The following TAOK3 variants were observed in gnomAD, a reference collection of about 807,000 sequenced individuals.
TAOK3 encodes serine/threonine-protein kinase TAO3.
Under a neutral mutation model 120.4 loss-of-function variants are expected in TAOK3, and 40 were observed. That is an observed-to-expected ratio of 0.33 (90% CI 0.26 to 0.43). The LOEUF is 0.43. Ranked by LOEUF, TAOK3 falls within the 20% of genes least tolerant of loss-of-function variation. The probability of loss-of-function intolerance (pLI) is 1.00; values close to 1 mark genes in which losing one functional copy is unlikely to be tolerated. For missense variants in TAOK3, 821 were observed against 1,112.1 expected (o/e 0.74, Z 3.72); for synonymous variants, 355 against 387.5 (o/e 0.92, Z 0.99).
At chr12:118,357,601 T>A (rs983437550) in intron 1 of TAOK3, among the ~76,000 whole-genome samples, 1 of 152,216 alleles carries the variant, frequency 6.6e-6, no homozygotes. Context: ...ATGGAGTTTG[T>A]AACTTCTACT....
chr12:118,283,846 A>G (rs1489800013), intron 1 of TAOK3: 1 of 160,434 alleles, frequency 6.2e-6, no homozygotes, highest in African/African-American at 2.4e-5. Context: ...ATGTTACTTA[A>G]ATGTCTGTTC....
chr12:118,152,357 A>C lies in TAOK3; in HGVS notation c.2405T>G (p.Leu802Arg). ...EAECQALRLQ[L>R]QQEMELLNAY... ...GTTGAGCAGCTCCATTTCCTGCTGG[A>C]GCTGTAGCCTCAAGGCCTGGCATTC... Residue 802 changes from leucine to arginine, a missense_variant, in exon 20 of 21, where the codon CTC becomes CGC. Around this residue, in one of 2 missense-constraint regions of TAOK3, gnomAD observed 354 missense variants for 572.1 expected, o/e 0.62. Transcript: ENST00000392533. The C allele has an allele frequency of 6.2e-7, 1 of 1,613,916 alleles. No homozygotes were observed. Among genetic ancestry groups the C allele is most frequent in the Non-Finnish European group, 8.5e-7 (1 of 1,180,014 alleles).
In TAOK3 at chr12:118,160,254, A is replaced by G. The variant is rs745327810; in HGVS notation, c.2244T>C (p.Asn748=). The change falls in exon 19 of 21, where the codon AAT becomes AAC. Residue 748 remains asparagine, a synonymous_variant. Coordinates refer to ENST00000392533, the MANE Select transcript of TAOK3 (RefSeq NM_016281.4). The surrounding 1 kb of genome is among the most constrained non-coding windows in gnomAD (Gnocchi z 4.2). ...KNHQLEVTPK[N]EHKTILKTLK... is the part of the protein sequence containing the mutation. ...GTGTCTTTAAGATTGTTTTGTGCTCATTCTTTGGAGTAACTTCCAACTGGT... is the reference window on the plus strand; with the variant it reads ...GTGTCTTTAAGATTGTTTTGTGCTCGTTCTTTGGAGTAACTTCCAACTGGT... The G allele has an allele frequency of 1.9e-6, 3 of 1,614,206 alleles. No homozygotes were observed. In the South Asian group the frequency reaches 3.3e-5, roughly 18 times the overall value.
intron 1 of TAOK3, among the ~76,000 whole-genome samples, chr12:118,352,970 A>G (rs765341351): frequency 6.6e-6 from 1 of 152,212 alleles, no homozygotes; most frequent in Non-Finnish European, 1.5e-5. Flanking sequence ...TTGACCTCCC[A>G]AAGTGTTGGG....
chr12:118,157,542 T>C (rs2034923197), intron 19 of TAOK3, among the ~76,000 whole-genome samples: 1 of 152,310 alleles, frequency 6.6e-6, no homozygotes, highest in Admixed American at 6.5e-5. Flanking sequence ...CATGTGTAGG[T>C]TCCTCAGCCT....
chr12:118,368,836 GA>G lies in TAOK3; in HGVS notation c.-194+3811del, dbSNP rs544690573. Among the ~76,000 whole-genome samples, 1,010 of 135,876 alleles carry G rather than the reference GA, an allele frequency of 7.4e-3. 15 individuals carry two copies. Among genetic ancestry groups the G allele is most frequent in the African/African-American group, 0.026 (944 of 36,978 alleles). The allele number at this position is 135,876 out of a possible 152,430, so 89.1% of individuals were successfully genotyped here. A position where few individuals can be genotyped will look rare whatever the true frequency, so the allele number is the denominator to read the frequency against. On this transcript the variant is annotated intron_variant, in intron 1 of 20. Coordinates refer to ENST00000392533, the MANE Select transcript of TAOK3 (RefSeq NM_016281.4). The stretch of plus-strand genomic sequence containing the variant: ...AAAAAAATAAAAATAAAAGTAAAAT[GA>G]AAAAAAAAAAGAAAATAAAAAGTTT...
At chr12:118,272,156 G>T (rs2087417769) in intron 1 of TAOK3, among the ~76,000 whole-genome samples, 1 of 152,094 alleles carries the variant, frequency 6.6e-6, no homozygotes, top group African/African-American at 2.4e-5. Context: ...AAAGAACACT[G>T]GTGGCGCATG....
intron 14 of TAOK3, among the ~76,000 whole-genome samples, chr12:118,182,638 T>TA (rs386363330): frequency 1.4e-5 from 2 of 141,396 alleles, no homozygotes; most frequent in African/African-American, 2.6e-5. Flanking sequence ...TTTTTTTTTT[T>TA]AAGGATCATG....
intron 1 of TAOK3, among the ~76,000 whole-genome samples, chr12:118,353,569 A>G (rs1391815142): frequency 6.6e-6 from 1 of 152,116 alleles, no homozygotes; most frequent in Non-Finnish European, 1.5e-5. Flanking sequence ...GTGACATGCT[A>G]GAAGTAGCAT....
In TAOK3 at chr12:118,226,852, T is replaced by C. The variant is rs189856989; in HGVS notation, c.643+6822A>G. Among the ~76,000 whole-genome samples the C allele has an allele frequency of 2.0e-5, 3 of 152,304 alleles. No individual in the cohort carries two copies. In the East Asian group the frequency reaches 5.8e-4, roughly 29 times the overall value. ...ATCAGAAAGCACATATAAGGGGCTG[T>C]CTTAAGAGAGGAAGCACTAAGGTAT... On this transcript the variant is annotated intron_variant, in intron 9 of 20. Transcript: ENST00000392533.
At chr12:118,278,947 C>CGTAA in intron 1 of TAOK3, among the ~76,000 whole-genome samples, 1 of 152,072 alleles carries the variant, frequency 6.6e-6, no homozygotes, top group South Asian at 2.1e-4. Context: ...GCTGGGATTA[C>CGTAA]AGGCATGCAC....
chr12:118,370,159 C>CA (rs2045857430), intron 1 of TAOK3, among the ~76,000 whole-genome samples: 1 of 152,152 alleles, frequency 6.6e-6, no homozygotes, highest in Non-Finnish European at 1.5e-5. Flanking sequence ...AGGTGTGAGC[C>CA]ACCGCGCCTG....
In TAOK3 at chr12:118,289,296, CA is replaced by C. The variant is rs59297201; in HGVS notation, c.-193-22538del. 5.2e-3 allele frequency among the ~76,000 whole-genome samples: 406 copies of C among 78,670 alleles called. 1 individual carries two copies. The highest frequency in any genetic ancestry group is 0.014 in the African/African-American group (289 of 20,446). The allele number at this position is 78,670 out of a possible 152,430, so 51.6% of individuals were successfully genotyped here. ...CCTGGGTGACACACCAAGACTGTCT[CA>C]AAAAAAAAAAAAAAAAAAAAGAAAA... On this transcript the variant is annotated intron_variant, in intron 1 of 20. Coordinates refer to ENST00000392533, the MANE Select transcript of TAOK3 (RefSeq NM_016281.4).
chr12:118,251,422 T>C (rs2040745824), intron 3 of TAOK3, among the ~76,000 whole-genome samples: 1 of 152,210 alleles, frequency 6.6e-6, no homozygotes, highest in African/African-American at 2.4e-5. Flanking sequence ...TGTTTTTTAG[T>C]GCTTTATGGG....
At chr12:118,370,562 A>G (rs1036224874) in intron 1 of TAOK3, among the ~76,000 whole-genome samples, 1 of 152,200 alleles carries the variant, frequency 6.6e-6, no homozygotes, top group African/African-American at 2.4e-5. Flanking sequence ...TGCTTCTATA[A>G]AAAAAGAAAC....
At chr12:118,219,770 C>CTTTTTTTTTTT in intron 9 of TAOK3, among the ~76,000 whole-genome samples, 1 of 58,854 alleles carries the variant, frequency 1.7e-5, no homozygotes, top group Non-Finnish European at 2.9e-5. Context: ...ACTTTTTTGG[C>CTTTTTTTTTTT]TTTTTTTTTT....
intron 1 of TAOK3, among the ~76,000 whole-genome samples, chr12:118,304,330 C>A (rs192192088): frequency 5.3e-5 from 8 of 152,102 alleles, no homozygotes; most frequent in Admixed American, 3.3e-4. Flanking sequence ...TTTCTCATAC[C>A]AAGAACTAGA....
At chr12:118,268,902 GGC>G (rs2041574192) in intron 1 of TAOK3, among the ~76,000 whole-genome samples, 4 of 151,946 alleles carry the variant, frequency 2.6e-5, no homozygotes, top group Non-Finnish European at 5.9e-5. Context: ...CAGCTACTCG[GGC>G]AGCTGAGGCA....
intron 1 of TAOK3, among the ~76,000 whole-genome samples, chr12:118,310,761 T>C (rs1370590627): frequency 1.3e-5 from 2 of 152,150 alleles, no homozygotes; most frequent in Non-Finnish European, 2.9e-5. Flanking sequence ...TTTCTTCTGT[T>C]ATAAGGGAGA....
Sources: gnomAD v4.1 joint callset for allele counts (sites outside exome capture counted in the v4.1 genomes callset) on GRCh38, gnomAD v4.1.1 for gene constraint, gnomAD v4.1.1 regional missense constraint, Gnocchi (gnomAD v3.1) non-coding constraint, MANE v1.5 for transcripts, NCBI Gene and HGNC (gene_info 2026-07-23, HGNC 2026-07-21) for gene names.